Variants in FOXO1 observed in about 807,000 individuals in gnomAD.
FOXO1 encodes the protein forkhead box protein O1.
In FOXO1, 6 loss-of-function variants were observed where a neutral mutation model predicts 44.1. The ratio of observed to expected loss-of-function variants is 0.14; its 90% confidence interval spans 0.07 to 0.27. FOXO1 has a LOEUF of 0.27. Among genes scored for constraint, FOXO1 ranks in the 10% least tolerant of loss-of-function variants. FOXO1 has a pLI of 1.00. For missense variants in FOXO1, 737 were observed against 888.8 expected, an observed-to-expected ratio of 0.83 and a Z score of 2.17; for synonymous variants, 380 against 362.7, an observed-to-expected ratio of 1.05 and a Z score of -0.54.
intron 1 of FOXO1, among the ~76,000 whole-genome samples, chr13:40,636,925 C>A (rs939864075): frequency 6.6e-6 from 1 of 152,164 alleles, no homozygotes; most frequent in Admixed American, 6.5e-5. Context: ...GAATACTATG[C>A]GCTAGGTACT....
chr13:40,643,483 C>T (rs1287512968), intron 1 of FOXO1, among the ~76,000 whole-genome samples: 1 of 152,120 alleles, frequency 6.6e-6, no homozygotes, highest in African/African-American at 2.4e-5. Flanking sequence ...AGATACTTCA[C>T]ATAATTGAAA....
At chr13:40,606,498 A>C (rs961083646) in intron 1 of FOXO1, among the ~76,000 whole-genome samples, 2 of 152,130 alleles carry the variant, frequency 1.3e-5, no homozygotes, top group Non-Finnish European at 2.9e-5. Context: ...TTTTTAGTAG[A>C]GATGGGGTTT....
chr13:40,631,436 C>T (rs1876959445), intron 1 of FOXO1, among the ~76,000 whole-genome samples: 1 of 151,166 alleles, frequency 6.6e-6, no homozygotes, highest in African/African-American at 2.4e-5. Context: ...GCACAAGCTA[C>T]AAAAGAAAAA....
At chr13:40,646,680 G>GC (rs1877521619) in intron 1 of FOXO1, among the ~76,000 whole-genome samples, 1 of 152,006 alleles carries the variant, frequency 6.6e-6, no homozygotes, top group African/African-American at 2.4e-5. Context: ...TACAACCACC[G>GC]CCTCCCGGGT....
At chr13:40,612,145 C>T (rs1167438980) in intron 1 of FOXO1, among the ~76,000 whole-genome samples, 1 of 152,176 alleles carries the variant, frequency 6.6e-6, no homozygotes, top group African/African-American at 2.4e-5. Context: ...TGCCTTTTTA[C>T]AGGCCTACTG....
chr13:40,630,967 C>T lies in FOXO1; in HGVS notation c.630+34616G>A, dbSNP rs181665149. Among the ~76,000 whole-genome samples the T allele has an allele frequency of 2.0e-3, 301 of 152,206 alleles. 1 individual carries two copies. The highest frequency in any genetic ancestry group is 6.6e-3 in the Admixed American group (101 of 15,282). Reference sequence around the variant, plus strand: ...GATTTTCCCACCCCAAAGAGGCTTACTAAAGTTAGGGGCAATTTTCCACCT... The same window carrying T: ...GATTTTCCCACCCCAAAGAGGCTTATTAAAGTTAGGGGCAATTTTCCACCT... On this transcript the variant is annotated intron_variant, in intron 1 of 2. Transcript: ENST00000379561.
chr13:40,573,201 G>A (rs1874610909), intron 1 of FOXO1, among the ~76,000 whole-genome samples: 1 of 152,204 alleles, frequency 6.6e-6, no homozygotes, highest in African/African-American at 2.4e-5. Flanking sequence ...CACCCACTGA[G>A]CAGAAAAGAA....
At chr13:40,599,523 A>G (rs537699456) in intron 1 of FOXO1, among the ~76,000 whole-genome samples, 2 of 152,378 alleles carry the variant, frequency 1.3e-5, no homozygotes, top group South Asian at 2.1e-4. Context: ...ACTCACAGGT[A>G]CTGTCACTTA....
At chr13:40,572,423 C>A (rs1256273275) in intron 1 of FOXO1, among the ~76,000 whole-genome samples, 1 of 151,658 alleles carries the variant, frequency 6.6e-6, no homozygotes, top group Non-Finnish European at 1.5e-5. Flanking sequence ...ATTTTGGGAC[C>A]TAGATATGAT....
intron 1 of FOXO1, among the ~76,000 whole-genome samples, chr13:40,658,421 T>C (rs967684080): frequency 6.6e-6 from 1 of 152,154 alleles, no homozygotes; most frequent in Non-Finnish European, 1.5e-5. Context: ...ACTGGGGACC[T>C]TGAAATGAGC....
At chr13:40,658,617 G>A (rs1483924048) in intron 1 of FOXO1, among the ~76,000 whole-genome samples, 1 of 152,212 alleles carries the variant, frequency 6.6e-6, no homozygotes, top group Non-Finnish European at 1.5e-5. Flanking sequence ...GAGGATAGGA[G>A]AAGGAAAAAT....
intron 1 of FOXO1, among the ~76,000 whole-genome samples, chr13:40,592,353 C>A (rs56288452): frequency 0.038 from 5,774 of 152,250 alleles, 328 homozygotes; most frequent in African/African-American, 0.13. Flanking sequence ...GCTCACTGTA[C>A]AATTTGTTTT....
intron 1 of FOXO1, among the ~76,000 whole-genome samples, chr13:40,599,118 C>A (rs1474971474): frequency 2.2e-5 from 3 of 133,922 alleles, no homozygotes; most frequent in Admixed American, 1.5e-4. Flanking sequence ...CAAAAATTTA[C>A]ACTATAAACA....
At chr13:40,579,390 G>A (rs966472272) in intron 1 of FOXO1, among the ~76,000 whole-genome samples, 2 of 152,218 alleles carry the variant, frequency 1.3e-5, no homozygotes, top group Admixed American at 1.3e-4. Context: ...AAGACCCACA[G>A]TAGACCTCTT....
chr13:40,621,165 G>A, intron 1 of FOXO1: 1 of 514,266 alleles, frequency 1.9e-6, no homozygotes, highest in Non-Finnish European at 3.6e-6. Context: ...TAACAGTATT[G>A]ATAGTGAACC....
At chr13:40,596,002 A>G (rs1875564946) in intron 1 of FOXO1, among the ~76,000 whole-genome samples, 1 of 151,484 alleles carries the variant, frequency 6.6e-6, no homozygotes, top group African/African-American at 2.4e-5. Context: ...AAGTGTAAAA[A>G]CATTCAGTAC....
At chr13:40,641,172 T>C (rs1000997258) in intron 1 of FOXO1, among the ~76,000 whole-genome samples, 9 of 152,106 alleles carry the variant, frequency 5.9e-5, no homozygotes, top group Non-Finnish European at 1.2e-4. Context: ...TCCTCCGTCT[T>C]CTAGGCAGTA....
intron 1 of FOXO1, among the ~76,000 whole-genome samples, chr13:40,568,748 C>G (rs1593381682): frequency 2.0e-5 from 3 of 152,228 alleles, no homozygotes; most frequent in East Asian, 1.9e-4. Flanking sequence ...CACTATACCC[C>G]CCACTGCTAC....
intron 1 of FOXO1, among the ~76,000 whole-genome samples, chr13:40,664,302 T>G (rs562349845): frequency 6.6e-6 from 1 of 152,170 alleles, no homozygotes; most frequent in Admixed American, 6.5e-5. Flanking sequence ...TTAGCTCAAC[T>G]AGACAGCCTT....
Sources: allele counts gnomAD v4.1 joint callset (sites outside exome capture counted in the v4.1 genomes callset), GRCh38; gene constraint gnomAD v4.1.1; transcripts MANE v1.5; gene names NCBI Gene and HGNC (gene_info 2026-07-23, HGNC 2026-07-21).